Variants in NBPF19 observed in about 807,000 individuals in gnomAD.
NBPF19 encodes NBPF family member NBPF19.
A neutral mutation model predicts 45.9 loss-of-function variants in NBPF19; 30 were observed. The ratio of observed to expected loss-of-function variants is 0.65; its 90% CI spans 0.49 to 0.89. NBPF19 has a LOEUF of 0.89. Among genes scored for constraint, NBPF19 ranks in the 40% least tolerant of loss-of-function variants. NBPF19 has a pLI of 0.00. For missense variants in NBPF19, 495 were observed against 471.8 expected (o/e 1.05, Z -0.46); for synonymous variants, 183 against 181.2 (o/e 1.01, Z -0.08).
Position 149,554,852 on chromosome 1 carries a change from G to C in NBPF19, c.*114G>C, listed in dbSNP as rs1348602229. On this transcript the variant is annotated 3_prime_UTR_variant, in exon 94 of 94. Transcript: ENST00000651566. ...AAGCCCAGACATAGGATGGGTCAGT[G>C]GGCATGGCTCTTTTCCTATTCTCAA... 6.5e-7 allele frequency: 1 copy of C among 1,548,368 alleles called. No homozygotes were observed. Among genetic ancestry groups the C allele is most frequent in the Non-Finnish European group, 8.8e-7 (1 of 1,137,644 alleles).
chr1:149,554,756 G>T lies in NBPF19; in HGVS notation c.*18G>T. Reference sequence around the variant, plus strand: ...CACAATAGGCAGCCCTTACTAAGCCGAGAGATGTCATTCCTGCAGGCAGGA... The same window carrying T: ...CACAATAGGCAGCCCTTACTAAGCCTAGAGATGTCATTCCTGCAGGCAGGA... On this transcript the variant is annotated 3_prime_UTR_variant, in exon 94 of 94. Coordinates refer to ENST00000651566, the MANE Select transcript of NBPF19 (RefSeq NM_001351365.2). The T allele has an allele frequency of 6.2e-7, 1 of 1,607,736 alleles. No individual in the cohort carries two copies. Among genetic ancestry groups the T allele is most frequent in the Non-Finnish European group, 8.5e-7 (1 of 1,176,310 alleles).
At chr1:149,478,068 G>A in intron 3 of NBPF19, 21 bp downstream of exon 3, 2 of 1,566,152 alleles carry the variant, frequency 1.3e-6, no homozygotes, top group Non-Finnish European at 8.7e-7. Flanking sequence ...CCCGTGGGGG[G>A]AGGGCAGGCG....
At position 149,554,616 on chromosome 1, in the gene NBPF19, G is replaced by T. The variant is rs1559627393; in HGVS notation, c.11410G>T (p.Val3804Leu). ...LPDSFQHYRS[V>L]FYSFEEEHIS... is the part of the protein sequence containing the mutation. Reference sequence around the variant, plus strand: ...TGACTCATTCCAGCACTACAGAAGTGTGTTTTACTCATTTGAGGAAGAGCA... The same window carrying T: ...TGACTCATTCCAGCACTACAGAAGTTTGTTTTACTCATTTGAGGAAGAGCA... The change falls in exon 94 of 94, where the codon GTG (valine) becomes TTG (leucine). Residue 3804 changes from valine to leucine, a missense_variant. By Grantham distance (32) the Val-to-Leu change is conservative (BLOSUM62 1). Around this residue, in one of 8 missense-constraint regions of NBPF19, gnomAD observed 248 missense variants for 95.4 expected, o/e 2.60. Transcript: ENST00000651566. 1.9e-6 allele frequency: 3 copies of T among 1,608,314 alleles called. No individual in the cohort carries two copies. Among genetic ancestry groups the T allele is most frequent in the Non-Finnish European group, 2.5e-6 (3 of 1,176,792 alleles).
rs1318493529 is a variant in NBPF19 at position 149,554,364 on chromosome 1, T to C, written c.11289-131T>C. On this transcript the variant is annotated intron_variant, in intron 93 of 93. Transcript: ENST00000651566. Reference sequence around the variant, plus strand: ...CCCAACATAAAGGCAATAAATTTTTTTTTTTACCTCATTAATGGATCTATC... The same window carrying C: ...CCCAACATAAAGGCAATAAATTTTTCTTTTTACCTCATTAATGGATCTATC... 3 of 1,557,210 alleles carry C rather than the reference T, an allele frequency of 1.9e-6. No individual in the cohort carries two copies. In the African/African-American group the frequency reaches 4.2e-5, roughly 22 times the overall value.
chr1:149,479,527 G>A (rs1302262205), intron 4 of NBPF19, among the ~76,000 whole-genome samples: 5 of 149,338 alleles, frequency 3.3e-5, no homozygotes, highest in African/African-American at 1.2e-4. Flanking sequence ...ATTGTCTCTT[G>A]CAAGGGTCTG....
At chr1:149,487,474 T>C (rs1353088866) in intron 9 of NBPF19, 91 bp downstream of exon 9, 3 of 982,868 alleles carry the variant, frequency 3.1e-6, no homozygotes, top group South Asian at 1.3e-5. Flanking sequence ...AAATAATGAT[T>C]TTGTCTTGTC....
At chr1:149,519,473 G>C (rs1292894966) in intron 49 of NBPF19, among the ~76,000 whole-genome samples, 1 of 48,866 alleles carries the variant, frequency 2.0e-5, no homozygotes, top group Non-Finnish European at 3.9e-5. Context: ...GTGTGTGTGT[G>C]TGTGTGTGTG....
Position 149,491,308 on chromosome 1 carries a change from G to A in NBPF19, c.1660G>A (p.Gly554Arg). The A allele has an allele frequency of 5.0e-6, 1 of 201,118 alleles. No homozygotes were observed. The highest frequency in any genetic ancestry group is 2.7e-5 in the South Asian group (1 of 37,064). 12.5% of individuals were successfully genotyped at this position (201,118 alleles called of 1,614,324 possible). A position where few individuals can be genotyped will look rare whatever the true frequency, so the allele number is the denominator to read the frequency against. ...ACATGTTGGCTTTTCTCTTGACGTG[G>A]GAGGTGAGTACCTTTCTATGAAGGT... is the stretch of plus-strand genomic sequence containing the variant. ...EKHVGFSLDV[G>R]EIEKKGKGKK... Residue 554 changes from glycine to arginine, a missense_variant, in exon 14 of 94, where the codon GGA becomes AGA. Physicochemically the swap from Gly to Arg is moderately radical, Grantham distance 125 (BLOSUM62 -2). This residue lies in a region of NBPF19 where 146 missense variants were observed against 67.3 expected (regional missense o/e 2.17). Coordinates refer to ENST00000651566, the MANE Select transcript of NBPF19 (RefSeq NM_001351365.2).
chr1:149,488,727 A>G (rs2085786957), intron 10 of NBPF19, among the ~76,000 whole-genome samples, 178 bp from the exon 11 acceptor site: 1 of 6,384 alleles, frequency 1.6e-4, no homozygotes, highest in Non-Finnish European at 3.3e-4. Context: ...AGTTTCTGGG[A>G]CAAAAACCAA....
At chr1:149,487,704 G>A (rs1257133737) in intron 9 of NBPF19, among the ~76,000 whole-genome samples, 2 of 149,990 alleles carry the variant, frequency 1.3e-5, no homozygotes, top group Non-Finnish European at 3.0e-5. Flanking sequence ...TGTGTGTCCT[G>A]AGAGCACAAA....
chr1:149,490,817 G>A (rs1319410604), intron 13 of NBPF19, among the ~76,000 whole-genome samples: 8 of 94,130 alleles, frequency 8.5e-5, no homozygotes, highest in East Asian at 3.8e-4. Context: ...TGTCCTGAGG[G>A]CACTAACTCA....
Position 149,554,503 on chromosome 1 carries a change from G to A in NBPF19, c.11297G>A (p.Ser3766Asn). 2 of 1,608,098 alleles carry A rather than the reference G, an allele frequency of 1.2e-6. No homozygotes were observed. Among genetic ancestry groups the A allele is most frequent in the Non-Finnish European group, 1.7e-6 (2 of 1,176,696 alleles). Residue 3766 changes from serine (S) to asparagine (N), a missense_variant, in exon 94 of 94, where the codon AGC becomes AAC. This residue lies in a region of NBPF19 where 248 missense variants were observed against 95.4 expected (regional missense o/e 2.60). Transcript: ENST00000651566. Reference sequence around the variant, plus strand: ...TTTGTCTCCTTTTCCAGGCTCAACAGCGTGCTGATGGAAGTGGAAGAGCCT... The same window carrying A: ...TTTGTCTCCTTTTCCAGGCTCAACAACGTGCTGATGGAAGTGGAAGAGCCT... ...DQNPPCPRLNSVLMEVEEPEV... is the reference protein window; with the variant it reads ...DQNPPCPRLNNVLMEVEEPEV...
At chr1:149,484,296 A>G (rs1382979529) in intron 7 of NBPF19, among the ~76,000 whole-genome samples, 53 of 98,646 alleles carry the variant, frequency 5.4e-4, no homozygotes, top group African/African-American at 2.0e-3. Flanking sequence ...GAATTGAACA[A>G]TGAGAACACA....
chr1:149,538,517 T>C (rs1276600551), intron 73 of NBPF19, among the ~76,000 whole-genome samples, 159 bp from the exon 74 acceptor site: 5 of 16,572 alleles, frequency 3.0e-4, no homozygotes, highest in East Asian at 1.6e-3. Context: ...CATTTGGCCC[T>C]GTTCTGTCCC....
At chr1:149,487,204 A>G (rs2085581818) in intron 8 of NBPF19, 128 bp from the exon 9 acceptor site, 3 of 822,412 alleles carry the variant, frequency 3.6e-6, no homozygotes, top group Non-Finnish European at 4.2e-6. Flanking sequence ...CTACTGCAAT[A>G]TTTCTCTCAA....
intron 3 of NBPF19, among the ~76,000 whole-genome samples, 166 bp from the exon 4 acceptor site, chr1:149,478,714 A>G (rs1353157633): frequency 4.6e-5 from 7 of 150,800 alleles, no homozygotes; most frequent in Admixed American, 2.6e-4. Context: ...AAGCCTGTAG[A>G]CCATTTTCTA....
At chr1:149,487,286 C>T in intron 8 of NBPF19, 46 bp from the exon 9 acceptor site, 6 of 1,408,498 alleles carry the variant, frequency 4.3e-6, no homozygotes, top group South Asian at 1.1e-5. Context: ...TTTCTGTGTG[C>T]AAGGAAGAAC....
chr1:149,478,941 C>A lies in NBPF19; in HGVS notation c.340C>A (p.Arg114=), dbSNP rs1249153636. 2 of 1,605,962 alleles carry A rather than the reference C, an allele frequency of 1.2e-6. No individual in the cohort carries two copies. The highest frequency in any genetic ancestry group is 4.5e-5 in the East Asian group (2 of 44,828). ...GCTGACCCAGTTAAGGGAGAAGTTA[C>A]GGGAAGGGAGAGATGCCTCCCGCTC... ...RELTQLREKL[R]EGRDASRSLN... is the part of the protein sequence containing the mutation. Residue 114 remains arginine, a synonymous_variant, in exon 4 of 94, where the codon CGG becomes AGG. Transcript: ENST00000651566.
At chr1:149,516,333 G>GTC (rs1448648664) in intron 45 of NBPF19, among the ~76,000 whole-genome samples, 1 of 115,218 alleles carries the variant, frequency 8.7e-6, no homozygotes, top group East Asian at 2.7e-4. Flanking sequence ...CTCTGTCTCT[G>GTC]TCTCTCTCTC....
Sources: allele counts gnomAD v4.1 joint callset (sites outside exome capture counted in the v4.1 genomes callset), GRCh38; gene constraint gnomAD v4.1.1; regional missense constraint gnomAD v4.1.1; transcripts MANE v1.5; gene names NCBI Gene and HGNC (gene_info 2026-07-23, HGNC 2026-07-21).